Variants in GAL3ST1 observed in about 807,000 individuals in gnomAD.
The protein encoded by GAL3ST1 is galactosylceramide sulfotransferase.
A neutral mutation model predicts 25.0 loss-of-function variants in GAL3ST1; 13 were observed. The ratio of observed to expected loss-of-function variants is 0.52; its 90% CI spans 0.34 to 0.83. The LOEUF (loss-of-function observed/expected upper bound fraction) is 0.83, where lower values mean the gene tolerates loss of function less well. Among genes scored for constraint, GAL3ST1 ranks in the 40% least tolerant of loss-of-function variants. GAL3ST1 has a pLI of 0.02. For synonymous variants in GAL3ST1, 274 were observed against 277.8 expected (o/e 0.99, Z 0.14); for missense variants, 474 against 613.6 (o/e 0.77, Z 2.40).
intron 3 of GAL3ST1, among the ~76,000 whole-genome samples, chr22:30,556,549 G>A (rs576491342): frequency 5.9e-5 from 9 of 152,262 alleles, no homozygotes; most frequent in African/African-American, 2.2e-4. Flanking sequence ...ATGAGGAAAC[G>A]GGAGAGCCTG....
chr22:30,559,378 T>C lies in GAL3ST1; in HGVS notation c.-119-990A>G, dbSNP rs371031217. Among the ~76,000 whole-genome samples, 277 of 151,960 alleles carry C rather than the reference T, an allele frequency of 1.8e-3. 2 individuals are homozygous for C. The highest frequency in any genetic ancestry group is 4.3e-3 in the African/African-American group (180 of 41,486). On this transcript the variant is annotated intron_variant, in intron 1 of 3. Transcript: ENST00000406361. The stretch of plus-strand genomic sequence containing the variant: ...GCCTCAGCCTCCCAAGTAGCTGGGA[T>C]TACAGGCACACGCCACCACACCCAG...
intron 1 of GAL3ST1, among the ~76,000 whole-genome samples, chr22:30,567,648 C>G (rs2086663224): frequency 6.6e-6 from 1 of 151,988 alleles, no homozygotes; most frequent in African/African-American, 2.4e-5. Flanking sequence ...TTGTGGACAT[C>G]TTGCAGCCAC....
intron 1 of GAL3ST1, among the ~76,000 whole-genome samples, chr22:30,562,725 A>G (rs1430840040): frequency 1.3e-5 from 2 of 152,334 alleles, no homozygotes; most frequent in African/African-American, 4.8e-5. Flanking sequence ...CGTGCAGAGA[A>G]TGTGGATGAG....
At position 30,557,408 on chromosome 22, in the gene GAL3ST1, G is replaced by A; in HGVS notation, c.-9-7C>T. On this transcript the variant is annotated splice_polypyrimidine_tract_variant and splice_region_variant and intron_variant, in intron 2 of 3. Transcript: ENST00000406361. ...GTGGCAGCATCTCAGACACCTGCAG[G>A]GGCAGCACAGAGTAGGGCAAGTGTC... 1 of 1,614,016 alleles carries A rather than the reference G, an allele frequency of 6.2e-7. No individual in the cohort carries two copies. Among genetic ancestry groups the A allele is most frequent in the Non-Finnish European group, 8.5e-7 (1 of 1,179,990 alleles).
At chr22:30,557,642 G>A (rs1364039144) in intron 2 of GAL3ST1, 3 of 417,248 alleles carry the variant, frequency 7.2e-6, no homozygotes, top group East Asian at 3.6e-5. Flanking sequence ...ATGGGGCAGG[G>A]AGAAGGTTAA....
intron 1 of GAL3ST1, among the ~76,000 whole-genome samples, chr22:30,571,032 T>G (rs1601987203): frequency 1.3e-5 from 2 of 151,650 alleles, no homozygotes; most frequent in South Asian, 4.2e-4. Flanking sequence ...CAAAACAGCT[T>G]ATATTACTTT....
At chr22:30,563,830 G>A (rs113318039) in intron 1 of GAL3ST1, among the ~76,000 whole-genome samples, 11 of 151,358 alleles carry the variant, frequency 7.3e-5, no homozygotes, top group African/African-American at 2.2e-4. Flanking sequence ...GCAGGAGAAC[G>A]GCGTGAACCC....
In GAL3ST1 at chr22:30,556,056, G is replaced by A; in HGVS notation, c.169C>T (p.Leu57Phe). Reference protein sequence around the residue: ...EAAASCSPPALEPEAVIRANG... With the variant: ...EAAASCSPPAFEPEAVIRANG... ...GCCCGGATCACTGCCTCTGGCTCGA[G>A]TGCAGGTGGAGAGCAGGACGCTGCG... The change falls in exon 4 of 4, where the codon CTC becomes TTC. Residue 57 changes from leucine to phenylalanine, a missense_variant. This residue lies in a region of GAL3ST1 where 115 missense variants were observed against 109.2 expected (regional missense o/e 1.05). Transcript: ENST00000406361. 6.2e-7 allele frequency: 1 copy of A among 1,611,600 alleles called. No individual in the cohort carries two copies. The highest frequency in any genetic ancestry group is 1.1e-5 in the South Asian group (1 of 91,050).
chr22:30,572,753 C>G (rs2146443930), intron 1 of GAL3ST1: 1 of 152,436 alleles, frequency 6.6e-6, no homozygotes, highest in Admixed American at 6.5e-5. Flanking sequence ...CTGCTCTGCC[C>G]TGTTTGGAGT....
chr22:30,564,089 T>TGAGTA (rs1192276094), intron 1 of GAL3ST1, among the ~76,000 whole-genome samples: 1 of 152,160 alleles, frequency 6.6e-6, no homozygotes, highest in African/African-American at 2.4e-5. Flanking sequence ...TCCCAAGCAT[T>TGAGTA]TCGGATAAGG....
chr22:30,555,845 T>TGC lies in GAL3ST1; in HGVS notation c.378_379dup (p.Gln127ArgfsTer68). 6.2e-7 allele frequency: 1 copy of TGC among 1,614,168 alleles called. No homozygotes were observed. The highest frequency in any genetic ancestry group is 8.5e-7 in the Non-Finnish European group (1 of 1,180,030). On this transcript the variant is annotated frameshift_variant, in exon 4 of 4. Transcript: ENST00000406361. LOFTEE classifies it high-confidence loss of function. The surrounding 1 kb of genome is among the most constrained non-coding windows in gnomAD (Gnocchi z 8.6). ...GAAGCAGGCCCCGGGCCGATAGTCCTGCACCAGGCTGCGGGCGAAGAAGGT... is the reference window on the plus strand; with the variant it reads ...GAAGCAGGCCCCGGGCCGATAGTCCTGCGCACCAGGCTGCGGGCGAAGAAGGT...
chr22:30,561,719 G>A (rs1388904634), intron 1 of GAL3ST1, among the ~76,000 whole-genome samples: 1 of 152,290 alleles, frequency 6.6e-6, no homozygotes, highest in East Asian at 1.9e-4. Flanking sequence ...AGCACAGCAG[G>A]GTCCCGTCTC....
At chr22:30,567,583 GTGCTTCTT>G (rs1290395462) in intron 1 of GAL3ST1, among the ~76,000 whole-genome samples, 6 of 151,106 alleles carry the variant, frequency 4.0e-5, no homozygotes, top group Admixed American at 2.0e-4. Flanking sequence ...CCAGATGCAC[GTGCTTCTT>G]TGGGGACATA....
At chr22:30,561,190 C>T (rs982629574) in intron 1 of GAL3ST1, among the ~76,000 whole-genome samples, 6 of 152,336 alleles carry the variant, frequency 3.9e-5, no homozygotes, top group South Asian at 2.1e-4. Context: ...GCGATCCACC[C>T]GCCTTGGCCT....
intron 3 of GAL3ST1, among the ~76,000 whole-genome samples, 192 bp downstream of exon 3, chr22:30,557,070 G>A (rs2086079317): frequency 6.6e-6 from 1 of 152,212 alleles, no homozygotes; most frequent in African/African-American, 2.4e-5. Context: ...TCACAGATGG[G>A]CACACCAAGG....
intron 1 of GAL3ST1, chr22:30,566,138 G>C (rs1450491658): frequency 6.6e-6 from 1 of 152,258 alleles, no homozygotes; most frequent in Non-Finnish European, 1.5e-5. Context: ...CCACAAGGCA[G>C]ACCAGAGTCG....
intron 1 of GAL3ST1, among the ~76,000 whole-genome samples, chr22:30,559,334 C>A (rs42928): frequency 6.6e-6 from 1 of 151,776 alleles, no homozygotes; most frequent in African/African-American, 2.4e-5. Flanking sequence ...TTTGACTCCC[C>A]GGTTCAAGCG....
intron 1 of GAL3ST1, among the ~76,000 whole-genome samples, chr22:30,573,272 A>G (rs1836666415): frequency 6.6e-6 from 1 of 152,160 alleles, no homozygotes; most frequent in African/African-American, 2.4e-5. Flanking sequence ...GAGAGAGGTC[A>G]TGGGTTGGGC....
At position 30,555,953 on chromosome 22, in the gene GAL3ST1, A is replaced by G; in HGVS notation, c.272T>C (p.Leu91Pro). 6.2e-7 allele frequency: 1 copy of G among 1,614,074 alleles called. No individual in the cohort carries two copies. Among genetic ancestry groups the G allele is most frequent in the Non-Finnish European group, 8.5e-7 (1 of 1,180,014 alleles). Residue 91 changes from leucine (L) to proline (P), a missense_variant, in exon 4 of 4, where the codon CTG becomes CCG. Physicochemically the swap from Leu to Pro is moderately conservative, Grantham distance 98. Around this residue, in one of 2 missense-constraint regions of GAL3ST1, gnomAD observed 359 missense variants for 504.4 expected, o/e 0.71. Transcript: ENST00000406361. The surrounding 1 kb of genome is among the most constrained non-coding windows in gnomAD (Gnocchi z 8.6). ...GCCGAAGCGGAACAGGATGTTGAGC[A>G]GGGTGCTGCTGGCCGTCTTGTGCGT... ...LKTHKTASST[L>P]LNILFRFGQK...
Sources: gnomAD v4.1 joint callset for allele counts (sites outside exome capture counted in the v4.1 genomes callset) on GRCh38, gnomAD v4.1.1 for gene constraint, gnomAD v4.1.1 regional missense constraint, Gnocchi (gnomAD v3.1) non-coding constraint, MANE v1.5 for transcripts, NCBI Gene and HGNC (gene_info 2026-07-23, HGNC 2026-07-21) for gene names.